DCAF1: variants seen among roughly 807,000 people sequenced by gnomAD.
The protein encoded by DCAF1 is DDB1 and CUL4 associated factor 1.
A neutral mutation model predicts 128.0 loss-of-function variants in DCAF1; 15 were observed. The observed-to-expected ratio is 0.12, with a 90% CI of 0.08 to 0.18. The LOEUF (loss-of-function observed/expected upper bound fraction) is 0.18, where lower values mean the gene tolerates loss of function less well. DCAF1 is among the 10% of genes least tolerant of loss of function. DCAF1 has a pLI of 1.00. For synonymous variants in DCAF1, 610 were observed against 603.0 expected (o/e 1.01, Z -0.17); for missense variants, 988 against 1,649.5 (o/e 0.60, Z 6.95).
At chr3:51,436,473 G>A (rs1700843876) in intron 9 of DCAF1, 2 of 516,760 alleles carry the variant, frequency 3.9e-6, no homozygotes, top group East Asian at 5.5e-5. Context: ...CCTTATTCTT[G>A]TACTTTTCTT....
intron 2 of DCAF1, among the ~76,000 whole-genome samples, chr3:51,484,129 G>A (rs1480050537): frequency 6.6e-6 from 1 of 152,070 alleles, no homozygotes; most frequent in Non-Finnish European, 1.5e-5. Flanking sequence ...AACCTTTTGA[G>A]GAGTCCCTTT....
chr3:51,430,386 C>T (rs1214118360), intron 10 of DCAF1, among the ~76,000 whole-genome samples, 174 bp from the exon 11 acceptor site: 1 of 152,170 alleles, frequency 6.6e-6, no homozygotes, highest in Non-Finnish European at 1.5e-5. Flanking sequence ...GAACACGATC[C>T]ATTCCAAACC....
chr3:51,450,816 G>C (rs1288686020), intron 6 of DCAF1, among the ~76,000 whole-genome samples: 3 of 152,048 alleles, frequency 2.0e-5, no homozygotes, highest in Non-Finnish European at 2.9e-5. Context: ...ATTAAACATA[G>C]TACTGGAAGT....
chr3:51,402,042 G>C (rs921914461), intron 24 of DCAF1, among the ~76,000 whole-genome samples: 1 of 151,238 alleles, frequency 6.6e-6, no homozygotes, highest in Non-Finnish European at 1.5e-5. Context: ...CAGCCTCTTT[G>C]AACTATTTGC....
At chr3:51,440,125 A>G (rs1553638223) in intron 9 of DCAF1, 1 of 503,078 alleles carries the variant, frequency 2.0e-6, no homozygotes, top group African/African-American at 2.0e-5. Flanking sequence ...GTCTAGATTC[A>G]CTTTTTATCT....
In DCAF1 at chr3:51,475,847, C is replaced by T. The variant is rs1341255882; in HGVS notation, c.111-4842G>A. The stretch of plus-strand genomic sequence containing the variant: ...TCGCACTCCAGCCTGGGCGACAGAG[C>T]GAGACTATGTCTCATAAAAAAAAAA... On this transcript the variant is annotated intron_variant, in intron 3 of 24. Transcript: ENST00000684031. 2.0e-5 allele frequency among the ~76,000 whole-genome samples: 3 copies of T among 150,196 alleles called. No homozygotes were observed. The Admixed American group carries it at 2.0e-4, about 10-fold the overall frequency.
At chr3:51,443,644 G>T in intron 7 of DCAF1, 122 bp downstream of exon 7, 7 of 806,316 alleles carry the variant, frequency 8.7e-6, no homozygotes, top group South Asian at 4.2e-5. Flanking sequence ...AACTAATATT[G>T]AAATTATAGC....
In DCAF1 at chr3:51,406,017, G is replaced by A. The variant is rs183599428; in HGVS notation, c.4213-2622C>T. On this transcript the variant is annotated intron_variant, in intron 23 of 24. Coordinates refer to ENST00000684031, the MANE Select transcript of DCAF1 (RefSeq NM_001387579.1). ...CCACTGCACTCCAGCCTGGGCAACA[G>A]AGTGAGATCCCATTTCTTTGAAAAC... is the stretch of plus-strand genomic sequence containing the variant. Among the ~76,000 whole-genome samples, 7 of 151,854 alleles carry A rather than the reference G, an allele frequency of 4.6e-5. 1 individual carries two copies.
At chr3:51,428,331 CTT>C (rs35486639) in intron 12 of DCAF1, among the ~76,000 whole-genome samples, 6 of 110,506 alleles carry the variant, frequency 5.4e-5, no homozygotes, top group East Asian at 2.7e-4. Context: ...CCACCATGCC[CTT>C]TTTTTTTTTT....
Position 51,398,525 on chromosome 3 carries a change from T to TG in DCAF1, c.*243dup, listed in dbSNP as rs1237737801. 18 of 431,392 alleles carry TG rather than the reference T, an allele frequency of 4.2e-5. No individual in the cohort carries two copies. Among genetic ancestry groups the TG allele is most frequent in the Middle Eastern group, 1.1e-3 (2 of 1,806 alleles). The allele number at this position is 431,392 out of a possible 1,614,324, so 26.7% of individuals were successfully genotyped here. A position where few individuals can be genotyped will look rare whatever the true frequency, so the allele number is the denominator to read the frequency against. On this transcript the variant is annotated 3_prime_UTR_variant, in exon 25 of 25. Transcript: ENST00000684031. ...AAGATATGTCCATCCTAGGAAATGG[T>TG]GGGGGGTGGATGTGGGGGGTGCAGA...
At chr3:51,412,843 A>G in intron 22 of DCAF1, 150 bp downstream of exon 22, 1 of 1,238,876 alleles carries the variant, frequency 8.1e-7, no homozygotes, top group Non-Finnish European at 1.1e-6. Flanking sequence ...TACATCTCCC[A>G]AGCCCCATCA....
chr3:51,413,093 G>A, intron 21 of DCAF1, 27 bp from the exon 22 acceptor site: 1 of 1,613,318 alleles, frequency 6.2e-7, no homozygotes, highest in Admixed American at 1.7e-5. Context: ...GAGAAGATTG[G>A]GATTGGACTA....
chr3:51,449,458 C>T (rs1242806772), intron 6 of DCAF1, among the ~76,000 whole-genome samples: 3 of 152,168 alleles, frequency 2.0e-5, no homozygotes, highest in African/African-American at 4.8e-5. Context: ...CCACTCATCT[C>T]GGCCTCCCAA....
chr3:51,412,192 G>A (rs184991155), intron 23 of DCAF1, among the ~76,000 whole-genome samples, 187 bp downstream of exon 23: 1 of 150,616 alleles, frequency 6.6e-6, no homozygotes, highest in East Asian at 1.9e-4. Flanking sequence ...GGATCATCAG[G>A]TACTGGTTAA....
upstream of DCAF1, chr3:51,500,116 G>GGAAAAAAAAAA: frequency 3.6e-5 from 1 of 27,856 alleles, no homozygotes; most frequent in African/African-American, 1.5e-4. Flanking sequence ...CACGATCGGG[G>GGAAAAAAAAAA]AAAAAAAAAA....
intron 3 of DCAF1, 63 bp downstream of exon 3, chr3:51,483,656 T>C (rs2108420612): frequency 2.0e-6 from 2 of 1,012,576 alleles, no homozygotes; most frequent in South Asian, 2.6e-5. Context: ...TATGAAGAAA[T>C]CTAGCGTATG....
At position 51,414,738 on chromosome 3, in the gene DCAF1, G is replaced by A. The variant is rs782464812; in HGVS notation, c.3723C>T (p.Gly1241=). The change falls in exon 19 of 25, where the codon GGC becomes GGT. Residue 1241 remains glycine (G), a synonymous_variant. Coordinates refer to ENST00000684031, the MANE Select transcript of DCAF1 (RefSeq NM_001387579.1). ...NPTDDLVLND[G]VLWDVRSAQA... ...GTGCAGAGCGGACATCCCAGAGGAC[G>A]CCATCATTTAAGACAAGATCATCTG... The A allele has an allele frequency of 1.2e-5, 19 of 1,613,884 alleles. No individual in the cohort carries two copies. The highest frequency in any genetic ancestry group is 3.3e-5 in the South Asian group (3 of 91,088).
chr3:51,420,256 A>T lies in DCAF1; in HGVS notation c.2714T>A (p.Ile905Asn). The T allele has an allele frequency of 6.2e-7, 1 of 1,614,018 alleles. No homozygotes were observed. Reference protein sequence around the residue: ...SPVSLPRTPRIANGIATRLGS... With the variant: ...SPVSLPRTPRNANGIATRLGS... ...CAGACGAGTTGCAATGCCATTAGCG[A>T]TACGAGGGGTTCGGGGTAGAGAGAC... is the stretch of plus-strand genomic sequence containing the variant. The change falls in exon 15 of 25, where the codon ATC (isoleucine) becomes AAC (asparagine). Residue 905 changes from isoleucine (I) to asparagine (N), a missense_variant. Physicochemically the swap from Ile to Asn is moderately radical, Grantham distance 149 (BLOSUM62 -3). Transcript: ENST00000684031. The surrounding 1 kb of genome is among the most constrained non-coding windows in gnomAD (Gnocchi z 6.5).
chr3:51,431,524 A>G (rs1272500952), intron 10 of DCAF1, among the ~76,000 whole-genome samples: 2 of 151,666 alleles, frequency 1.3e-5, no homozygotes, highest in Non-Finnish European at 2.9e-5. Context: ...CGTCTCAAAA[A>G]AAAAAAAAAA....
Sources: allele counts gnomAD v4.1 joint callset (sites outside exome capture counted in the v4.1 genomes callset), GRCh38; gene constraint gnomAD v4.1.1; non-coding constraint Gnocchi (gnomAD v3.1); transcripts MANE v1.5; gene names NCBI Gene and HGNC (gene_info 2026-07-23, HGNC 2026-07-21).